Variants in ZFP1 observed in about 807,000 individuals in gnomAD.
The protein encoded by ZFP1 is zinc finger protein 1 homolog.
In ZFP1, 32 loss-of-function variants were observed where a neutral mutation model predicts 38.5. The observed-to-expected ratio is 0.83, with a 90% confidence interval of 0.63 to 1.12. ZFP1 has a LOEUF of 1.12. Among genes scored for constraint, ZFP1 ranks in the 50% most tolerant of loss-of-function variants. The pLI is 0.00. For synonymous variants in ZFP1, 245 were observed against 168.8 expected (o/e 1.45, Z -3.50); for missense variants, 616 against 480.8 (o/e 1.28, Z -2.63).
intron 3 of ZFP1, among the ~76,000 whole-genome samples, chr16:75,168,483 T>C (rs1329236697): frequency 6.6e-6 from 1 of 150,914 alleles, no homozygotes; most frequent in Non-Finnish European, 1.5e-5. Context: ...TATCTCTAAA[T>C]AGGAATGGAA....
the ZFP1 span, among the ~76,000 whole-genome samples, chr16:75,128,143 A>G: frequency 6.6e-6 from 1 of 152,042 alleles, no homozygotes; most frequent in Non-Finnish European, 1.5e-5. Flanking sequence ...AACTGGCCTC[A>G]TACCTTTGTC....
chr16:75,166,451 C>T, intron 2 of ZFP1: 1 of 699,150 alleles, frequency 1.4e-6, no homozygotes, highest in Non-Finnish European at 1.8e-6. Context: ...GTCTCGAACT[C>T]CCGACCTCAA....
At chr16:75,138,767 C>G in the ZFP1 span, among the ~76,000 whole-genome samples, 682 of 152,338 alleles carry the variant, frequency 4.5e-3, 4 homozygotes, top group African/African-American at 0.016. Flanking sequence ...AGAAGCATGG[C>G]AGGCTGCCCC....
intron 2 of ZFP1, among the ~76,000 whole-genome samples, chr16:75,161,589 C>T (rs1045350714): frequency 6.6e-6 from 1 of 150,590 alleles, no homozygotes; most frequent in Non-Finnish European, 1.5e-5. Flanking sequence ...GGTCTGAAGG[C>T]TTTCAGTCTT....
the ZFP1 span, among the ~76,000 whole-genome samples, chr16:75,120,941 A>G: frequency 6.6e-6 from 1 of 152,014 alleles, no homozygotes; most frequent in Admixed American, 6.6e-5. Context: ...TGGGTTTTTA[A>G]GGAAGACTAT....
chr16:75,167,438 A>C (rs1398609113), intron 3 of ZFP1, among the ~76,000 whole-genome samples: 2 of 150,198 alleles, frequency 1.3e-5, no homozygotes, highest in African/African-American at 4.9e-5. Context: ...TTTGCCTCTC[A>C]CACTTGAACC....
At chr16:75,148,678 C>T (rs1411863666) in intron 1 of ZFP1, 35 bp downstream of exon 1, 5 of 152,400 alleles carry the variant, frequency 3.3e-5, no homozygotes, top group African/African-American at 1.2e-4. Context: ...TCCGCGCGGC[C>T]TGGGGCCGAG....
At chr16:75,135,254 A>G in the ZFP1 span, among the ~76,000 whole-genome samples, 757 of 139,808 alleles carry the variant, frequency 5.4e-3, 13 homozygotes, top group African/African-American at 0.019. Flanking sequence ...CAGCCAAGAG[A>G]TCCTTCACTC....
chr16:75,122,025 A>C, the ZFP1 span, among the ~76,000 whole-genome samples: 1 of 145,950 alleles, frequency 6.9e-6, no homozygotes, highest in Non-Finnish European at 1.5e-5. Context: ...TGCTTGTGTA[A>C]GCTTGTTAGA....
chr16:75,155,024 C>A (rs747446549), intron 2 of ZFP1, among the ~76,000 whole-genome samples: 1 of 152,136 alleles, frequency 6.6e-6, no homozygotes, highest in Non-Finnish European at 1.5e-5. Context: ...GTCTCGAACT[C>A]CTGGGCTCAA....
At position 75,171,529 on chromosome 16, in the gene ZFP1, T is replaced by TAAAAATCAGATTTTTC. The variant is rs1182977166; in HGVS notation, c.*1197_*1212dup. On this transcript the variant is annotated 3_prime_UTR_variant, in exon 4 of 4. Transcript: ENST00000570010. ...TTTCCTTTACATGTTTACACTTTTA[T>TAAAAATCAGATTTTTC]AAAAATCAGATTTTTCAGTGGTCTC... The TAAAAATCAGATTTTTC allele has an allele frequency of 6.6e-6, 1 of 152,346 alleles. No homozygotes were observed. Among genetic ancestry groups the TAAAAATCAGATTTTTC allele is most frequent in the African/African-American group, 2.4e-5 (1 of 41,586 alleles). The allele number at this position is 152,346 out of a possible 1,614,324, so 9.4% of individuals were successfully genotyped here.
chr16:75,147,506 C>A (rs2036967666), upstream of ZFP1, among the ~76,000 whole-genome samples: 3 of 148,502 alleles, frequency 2.0e-5, no homozygotes, highest in Admixed American at 2.0e-4. Flanking sequence ...AGGCTGGTTT[C>A]AAATTCCTCG....
intron 2 of ZFP1, among the ~76,000 whole-genome samples, chr16:75,165,142 A>G (rs532108521): frequency 6.6e-6 from 1 of 151,924 alleles, no homozygotes; most frequent in Middle Eastern, 3.4e-3. Flanking sequence ...AGCCATGCCT[A>G]TTTGTTGACG....
chr16:75,141,225 C>T, the ZFP1 span, among the ~76,000 whole-genome samples: 2 of 91,162 alleles, frequency 2.2e-5, no homozygotes, highest in South Asian at 4.0e-4. Context: ...TTTTTTGAGA[C>T]GGAGTCTCGC....
intron 2 of ZFP1, among the ~76,000 whole-genome samples, chr16:75,165,114 C>T (rs891563605): frequency 6.6e-6 from 1 of 151,952 alleles, no homozygotes; most frequent in East Asian, 1.9e-4. Context: ...CTCCATAAAT[C>T]GAGTTTTATT....
At chr16:75,169,090 GT>G (rs779428937) in intron 3 of ZFP1, among the ~76,000 whole-genome samples, 162 bp from the exon 4 acceptor site, 10 of 152,120 alleles carry the variant, frequency 6.6e-5, no homozygotes, top group Non-Finnish European at 1.5e-4. Flanking sequence ...CTCTTTCAAA[GT>G]TTGAAAGGAA....
chr16:75,120,136 G>T, the ZFP1 span, among the ~76,000 whole-genome samples: 1 of 152,154 alleles, frequency 6.6e-6, no homozygotes. Context: ...ATGTGCATGT[G>T]TATGTGTGGT....
At chr16:75,165,192 G>A (rs1005581403) in intron 2 of ZFP1, among the ~76,000 whole-genome samples, 2 of 151,974 alleles carry the variant, frequency 1.3e-5, no homozygotes, top group African/African-American at 4.8e-5. Context: ...TGGCCAAGTC[G>A]GTTTGTTTTA....
the ZFP1 span, chr16:75,127,990 T>C: frequency 1.3e-5 from 2 of 152,254 alleles, no homozygotes; most frequent in Admixed American, 6.5e-5. Context: ...GTTATTTGCA[T>C]AAGTGCAAAA....
Sources: allele counts gnomAD v4.1 joint callset (sites outside exome capture counted in the v4.1 genomes callset), GRCh38; gene constraint gnomAD v4.1.1; transcripts MANE v1.5; gene names NCBI Gene and HGNC (gene_info 2026-07-23, HGNC 2026-07-21).